CCDC60: variants seen among roughly 807,000 people sequenced by gnomAD.
CCDC60 encodes the protein coiled-coil domain-containing protein 60.
Under a neutral mutation model 63.5 loss-of-function variants are expected in CCDC60, and 54 were observed. The ratio of observed to expected loss-of-function variants is 0.85; its 90% CI spans 0.68 to 1.07. The LOEUF (loss-of-function observed/expected upper bound fraction) is 1.07, where lower values mean the gene tolerates loss of function less well. Among genes scored for constraint, CCDC60 ranks in the 50% least tolerant of loss-of-function variants. CCDC60 has a pLI of 0.00. For synonymous variants in CCDC60, 206 were observed against 238.8 expected (o/e 0.86, Z 1.27); for missense variants, 651 against 684.3 (o/e 0.95, Z 0.54).
In CCDC60 at chr12:119,361,898, T is replaced by C. The variant is rs578016426; in HGVS notation, c.90+26632T>C. Among the ~76,000 whole-genome samples, 4 of 152,328 alleles carry C rather than the reference T, an allele frequency of 2.6e-5. No individual in the cohort carries two copies. The East Asian group carries it at 7.7e-4, about 29-fold the overall frequency. On this transcript the variant is annotated intron_variant, in intron 1 of 13. Coordinates refer to ENST00000327554, the MANE Select transcript of CCDC60 (RefSeq NM_178499.5). ...ACATATAGACATGGAAAGATGGCCATTGTGCATAGTTTAATGAGGGGAGTG... is the reference window on the plus strand; with the variant it reads ...ACATATAGACATGGAAAGATGGCCACTGTGCATAGTTTAATGAGGGGAGTG...
intron 1 of CCDC60, among the ~76,000 whole-genome samples, chr12:119,375,324 A>C (rs10774494): frequency 6.6e-6 from 1 of 152,040 alleles, no homozygotes; most frequent in Non-Finnish European, 1.5e-5. Context: ...GCCAGTTTCC[A>C]TGGTGTAAAT....
rs1159616677 is a variant in CCDC60 at position 119,420,195 on chromosome 12, A to G, written c.91-8488A>G. On this transcript the variant is annotated intron_variant, in intron 1 of 13. Transcript: ENST00000327554. This position sits in a 1 kb window ranked among gnomAD's most constrained non-coding sequence, Gnocchi z 4.1. The stretch of plus-strand genomic sequence containing the variant: ...CCGGCCTGTTAAGTAATTCTATAGT[A>G]TATTTCCTATTTCAGTTTGAAGGAT... Among the ~76,000 whole-genome samples, 1 of 152,060 alleles carries G rather than the reference A, an allele frequency of 6.6e-6. No individual in the cohort carries two copies. Among genetic ancestry groups the G allele is most frequent in the Non-Finnish European group, 1.5e-5 (1 of 68,002 alleles).
intron 1 of CCDC60, among the ~76,000 whole-genome samples, chr12:119,379,143 G>A (rs909340927): frequency 1.3e-5 from 2 of 152,238 alleles, no homozygotes; most frequent in African/African-American, 4.8e-5. Context: ...CCAGACCTTT[G>A]CTAGGAAGCT....
chr12:119,404,611 C>A (rs915106910), intron 1 of CCDC60, among the ~76,000 whole-genome samples: 1 of 152,178 alleles, frequency 6.6e-6, no homozygotes, highest in Non-Finnish European at 1.5e-5. Flanking sequence ...GAGCAAGGAG[C>A]AAGGCACCAA....
intron 3 of CCDC60, among the ~76,000 whole-genome samples, chr12:119,478,271 C>T (rs574069649): frequency 1.3e-5 from 2 of 152,036 alleles, no homozygotes; most frequent in South Asian, 2.1e-4. Flanking sequence ...GCCAAGATCA[C>T]GCCACTGCAC....
chr12:119,340,333 G>A (rs1468895768), intron 1 of CCDC60, among the ~76,000 whole-genome samples: 5 of 152,252 alleles, frequency 3.3e-5, no homozygotes, highest in East Asian at 1.9e-4. Flanking sequence ...CCATTACGGC[G>A]TTGTTTAATC....
intron 6 of CCDC60, among the ~76,000 whole-genome samples, chr12:119,503,302 T>C (rs781767926): frequency 2.8e-4 from 43 of 152,190 alleles, no homozygotes; most frequent in Non-Finnish European, 4.9e-4. Flanking sequence ...AGCTCTGATA[T>C]CATCTCTCCC....
chr12:119,507,507 C>CAT (rs539822535), intron 7 of CCDC60, among the ~76,000 whole-genome samples: 2 of 122,178 alleles, frequency 1.6e-5, no homozygotes, highest in African/African-American at 6.6e-5. Flanking sequence ...TATATACACA[C>CAT]ATATATATAC....
intron 9 of CCDC60, among the ~76,000 whole-genome samples, chr12:119,521,327 T>C (rs1463968830): frequency 2.0e-5 from 3 of 152,190 alleles, no homozygotes; most frequent in Non-Finnish European, 2.9e-5. Flanking sequence ...ACCCCTTGAA[T>C]TCTACCCATG....
At chr12:119,357,751 G>T (rs1306136459) in intron 1 of CCDC60, among the ~76,000 whole-genome samples, 2 of 152,150 alleles carry the variant, frequency 1.3e-5, no homozygotes, top group Non-Finnish European at 2.9e-5. Context: ...ACCGTGCCTG[G>T]CTGAGATCAG....
chr12:119,438,388 T>G (rs1396851341), intron 2 of CCDC60, among the ~76,000 whole-genome samples: 1 of 152,222 alleles, frequency 6.6e-6, no homozygotes, highest in Non-Finnish European at 1.5e-5. Flanking sequence ...TTTTCCAAAA[T>G]TCTTTTCCAG....
intron 1 of CCDC60, among the ~76,000 whole-genome samples, chr12:119,356,468 CT>C: frequency 6.6e-6 from 1 of 152,252 alleles, no homozygotes; most frequent in East Asian, 1.9e-4. Flanking sequence ...TTTCTAGAGA[CT>C]TTAGCAAAGA....
At chr12:119,481,141 T>G (rs966706789) in intron 4 of CCDC60, among the ~76,000 whole-genome samples, 5 of 151,988 alleles carry the variant, frequency 3.3e-5, no homozygotes, top group Non-Finnish European at 4.4e-5. Flanking sequence ...AATATTTCAG[T>G]CATTAATGAG....
chr12:119,522,368 T>A (rs1352667111), intron 9 of CCDC60, among the ~76,000 whole-genome samples: 1 of 152,144 alleles, frequency 6.6e-6, no homozygotes, highest in Non-Finnish European at 1.5e-5. Context: ...GATTCAGTCA[T>A]CCACACCTAG....
chr12:119,475,575 G>A (rs777594860), intron 3 of CCDC60, among the ~76,000 whole-genome samples: 8 of 152,156 alleles, frequency 5.3e-5, no homozygotes, highest in East Asian at 1.9e-4. Flanking sequence ...TCAAATGCGC[G>A]GGTGGGAGGG....
At chr12:119,507,587 TATAC>T (rs1342799428) in intron 7 of CCDC60, among the ~76,000 whole-genome samples, 373 of 34,698 alleles carry the variant, frequency 0.011, 33 homozygotes, top group East Asian at 0.058. Flanking sequence ...TACACATATA[TATAC>T]ATATATATAT....
intron 1 of CCDC60, among the ~76,000 whole-genome samples, chr12:119,412,674 T>C (rs988187369): frequency 2.0e-5 from 3 of 152,168 alleles, no homozygotes; most frequent in Non-Finnish European, 2.9e-5. Context: ...TGGGTCTCGG[T>C]TCTCTTAATC....
intron 1 of CCDC60, among the ~76,000 whole-genome samples, chr12:119,421,701 T>C (rs1451709299): frequency 1.3e-5 from 2 of 152,112 alleles, no homozygotes; most frequent in Admixed American, 1.3e-4. Flanking sequence ...ATTTCACAGA[T>C]GGGGAAACTG....
chr12:119,411,821 C>A (rs1956606946), intron 1 of CCDC60, among the ~76,000 whole-genome samples: 1 of 152,194 alleles, frequency 6.6e-6, no homozygotes, highest in Non-Finnish European at 1.5e-5. Flanking sequence ...GTATCATGTT[C>A]TGAGCCCCGA....
Sources: gnomAD v4.1 joint callset for allele counts (sites outside exome capture counted in the v4.1 genomes callset) on GRCh38, gnomAD v4.1.1 for gene constraint, Gnocchi (gnomAD v3.1) non-coding constraint, MANE v1.5 for transcripts, NCBI Gene and HGNC (gene_info 2026-07-23, HGNC 2026-07-21) for gene names.